ETV1: variants seen among roughly 807,000 people sequenced by gnomAD.
ETV1 encodes ETS translocation variant 1.
Under a neutral mutation model 62.3 loss-of-function variants are expected in ETV1, and 27 were observed. The ratio of observed to expected loss-of-function variants is 0.43; its 90% CI spans 0.32 to 0.60. ETV1 has a LOEUF of 0.60. ETV1 is among the 20% of genes least tolerant of loss of function. ETV1 has a pLI of 0.06. For missense variants in ETV1, 605 were observed against 605.8 expected, an observed-to-expected ratio of 1.00 and a Z score of 0.01; for synonymous variants, 222 against 199.6, an observed-to-expected ratio of 1.11 and a Z score of -0.94.
At chr7:13,911,057 C>T (rs1434148317) in intron 10 of ETV1, among the ~76,000 whole-genome samples, 182 bp downstream of exon 10, 1 of 152,146 alleles carries the variant, frequency 6.6e-6, no homozygotes, top group Admixed American at 6.5e-5. Context: ...CTCATGTTAA[C>T]AACAAGATAC....
intron 9 of ETV1, among the ~76,000 whole-genome samples, chr7:13,913,878 CTTT>C (rs544899107): frequency 0.023 from 2,029 of 87,938 alleles, 20 homozygotes; most frequent in African/African-American, 0.086. Context: ...GGGGGTACCT[CTTT>C]TTTTTTTTTT....
intron 4 of ETV1, 128 bp from the exon 5 acceptor site, chr7:13,986,813 TAA>T (rs3216977): frequency 8.5e-6 from 6 of 702,636 alleles, no homozygotes; most frequent in South Asian, 4.0e-5. Context: ...AACATAAAAA[TAA>T]AAAAAAGAGG....
intron 9 of ETV1, among the ~76,000 whole-genome samples, chr7:13,917,568 T>A (rs2128428955): frequency 6.6e-6 from 1 of 152,118 alleles, no homozygotes; most frequent in Middle Eastern, 3.4e-3. Flanking sequence ...TCTGCCGTCT[T>A]GGCCTCCCAA....
intron 13 of ETV1, among the ~76,000 whole-genome samples, chr7:13,896,675 T>G (rs375006627): frequency 1.5e-4 from 3 of 19,408 alleles, no homozygotes; most frequent in South Asian, 1.5e-3. Flanking sequence ...AGGAAAGAAA[T>G]AAAGAAAGAA....
At chr7:13,986,732 A>T (rs3213661) in intron 4 of ETV1, 47 bp from the exon 5 acceptor site, 2 of 1,367,400 alleles carry the variant, frequency 1.5e-6, no homozygotes, top group Non-Finnish European at 2.1e-6. Flanking sequence ...CAAATCTTTA[A>T]TCTTCATTAA....
intron 8 of ETV1, among the ~76,000 whole-genome samples, chr7:13,933,313 C>G (rs1786408977): frequency 6.6e-6 from 1 of 152,064 alleles, no homozygotes; most frequent in African/African-American, 2.4e-5. Context: ...CAGGAATTTG[C>G]AAGGTTTTGG....
chr7:13,916,295 A>G (rs756752893), intron 9 of ETV1, among the ~76,000 whole-genome samples: 1 of 152,148 alleles, frequency 6.6e-6, no homozygotes, highest in African/African-American at 2.4e-5. Context: ...TAATTTTTAG[A>G]TGGTTTTAAT....
intron 6 of ETV1, among the ~76,000 whole-genome samples, chr7:13,972,891 G>C (rs963818405): frequency 3.9e-5 from 6 of 152,164 alleles, no homozygotes; most frequent in African/African-American, 2.4e-5. Flanking sequence ...TTATAGGCAT[G>C]AGCCACCATG....
At chr7:13,954,813 GT>G (rs1161661048) in intron 6 of ETV1, among the ~76,000 whole-genome samples, 1 of 152,100 alleles carries the variant, frequency 6.6e-6, no homozygotes, top group African/African-American at 2.4e-5. Flanking sequence ...TTGGCTCCTT[GT>G]TCAAAACAAC....
rs1009203013 is a variant in ETV1, at chr7:13,891,626, C to A, written c.*4240G>T. 4.3e-6 allele frequency: 1 copy of A among 231,508 alleles called. No individual in the cohort carries two copies. The highest frequency in any genetic ancestry group is 5.6e-5 in the Admixed American group (1 of 17,730). 14.3% of individuals were successfully genotyped at this position (231,508 alleles called of 1,614,324 possible). A position where few individuals can be genotyped will look rare whatever the true frequency, so the allele number is the denominator to read the frequency against. Reference sequence around the variant, plus strand: ...TCTCATGTATATAAAAAAAGAAGTCCTAAAAGTACTAGTTGAGCTCTGAAT... The same window carrying A: ...TCTCATGTATATAAAAAAAGAAGTCATAAAAGTACTAGTTGAGCTCTGAAT... On this transcript the variant is annotated 3_prime_UTR_variant, in exon 14 of 14. Transcript: ENST00000430479.
rs1015299450 is a variant in ETV1, at chr7:13,980,279, A to G, written c.182-2799T>C. ...ACGGAAAGCAGTTAACTAAAAACACAAGTTGGATCTAGGCAAGGAAAATAT... is the reference window on the plus strand; with the variant it reads ...ACGGAAAGCAGTTAACTAAAAACACGAGTTGGATCTAGGCAAGGAAAATAT... On this transcript the variant is annotated intron_variant, in intron 5 of 13. Transcript: ENST00000430479. Among the ~76,000 whole-genome samples the G allele has an allele frequency of 2.0e-5, 3 of 152,138 alleles. No individual in the cohort carries two copies. The East Asian group carries it at 5.8e-4, about 29-fold the overall frequency.
Position 13,893,938 on chromosome 7 carries a change from A to G in ETV1, c.*1928T>C, listed in dbSNP as rs1258506286. ...CAATCATTGAAATCGCAGGTTACATACATATTTTGAAATTGGAGTACTTTT... is the reference window on the plus strand; with the variant it reads ...CAATCATTGAAATCGCAGGTTACATGCATATTTTGAAATTGGAGTACTTTT... On this transcript the variant is annotated 3_prime_UTR_variant, in exon 14 of 14. Transcript: ENST00000430479. 1.4e-4 allele frequency: 32 copies of G among 233,214 alleles called. No homozygotes were observed. In the East Asian group the frequency reaches 1.8e-3, roughly 13 times the overall value. 14.4% of individuals were successfully genotyped at this position (233,214 alleles called of 1,614,324 possible).
At chr7:13,956,464 T>C (rs1021834951) in intron 6 of ETV1, among the ~76,000 whole-genome samples, 1 of 152,186 alleles carries the variant, frequency 6.6e-6, no homozygotes, top group Non-Finnish European at 1.5e-5. Context: ...GGAACCAAGA[T>C]AGTTCACCTG....
intron 7 of ETV1, among the ~76,000 whole-genome samples, chr7:13,938,434 T>C (rs941062327): frequency 6.6e-6 from 1 of 152,094 alleles, no homozygotes; most frequent in African/African-American, 2.4e-5. Flanking sequence ...AAGAACTAAG[T>C]TTCTACTGTA....
intron 6 of ETV1, among the ~76,000 whole-genome samples, chr7:13,942,640 G>T (rs1194485643): frequency 1.3e-5 from 2 of 152,076 alleles, no homozygotes; most frequent in Admixed American, 1.3e-4. Flanking sequence ...ACTTATAAGT[G>T]AGAACATGCA....
In ETV1 at chr7:13,892,102, A is replaced by G. The variant is rs1162269854; in HGVS notation, c.*3764T>C. 4.3e-6 allele frequency: 1 copy of G among 232,312 alleles called. No individual in the cohort carries two copies. The highest frequency in any genetic ancestry group is 2.2e-5 in the African/African-American group (1 of 45,326). The allele number at this position is 232,312 out of a possible 1,614,324, so 14.4% of individuals were successfully genotyped here. A position where few individuals can be genotyped will look rare whatever the true frequency, so the allele number is the denominator to read the frequency against. ...GCAATTGTTCTTTTGAGTAATAGAC[A>G]TATTTTACACATTGTTCTTACCTAA... On this transcript the variant is annotated 3_prime_UTR_variant, in exon 14 of 14. Coordinates refer to ENST00000430479, the MANE Select transcript of ETV1 (RefSeq NM_004956.5).
chr7:13,974,386 G>A (rs772118770), intron 6 of ETV1, among the ~76,000 whole-genome samples: 2 of 152,194 alleles, frequency 1.3e-5, no homozygotes, highest in African/African-American at 2.4e-5. Flanking sequence ...TCAAGGCTTC[G>A]GTTGTAGAAG....
In ETV1 at chr7:13,988,534, G is replaced by A. The variant is rs533002982; in HGVS notation, c.46-361C>T. 10 of 812,964 alleles carry A rather than the reference G, an allele frequency of 1.2e-5. No individual in the cohort carries two copies. The East Asian group carries it at 2.5e-4, about 20-fold the overall frequency. The allele number at this position is 812,964 out of a possible 1,614,324, so 50.4% of individuals were successfully genotyped here. A position where few individuals can be genotyped will look rare whatever the true frequency, so the allele number is the denominator to read the frequency against. ...AAAACAGTGGGTTTTATTCTCTCTT[G>A]GACAGCCCCTCCTCCCCACCCCACC... On this transcript the variant is annotated intron_variant, in intron 3 of 13. Transcript: ENST00000430479.
intron 9 of ETV1, among the ~76,000 whole-genome samples, chr7:13,915,149 A>G (rs1452956890): frequency 1.3e-5 from 2 of 152,218 alleles, no homozygotes; most frequent in Non-Finnish European, 2.9e-5. Flanking sequence ...TTGCTTTCCT[A>G]TAAGTATATA....
Sources: gnomAD v4.1 joint callset for allele counts (sites outside exome capture counted in the v4.1 genomes callset) on GRCh38, gnomAD v4.1.1 for gene constraint, MANE v1.5 for transcripts, NCBI Gene and HGNC (gene_info 2026-07-23, HGNC 2026-07-21) for gene names.